The following KCTD18 variants were observed in gnomAD, a reference collection of about 807,000 sequenced individuals.
The protein encoded by KCTD18 is potassium channel tetramerization domain containing 18.
Under a neutral mutation model 30.4 loss-of-function variants are expected in KCTD18, and 22 were observed. The ratio of observed to expected loss-of-function variants is 0.72; its 90% CI spans 0.52 to 1.03. KCTD18 has a LOEUF of 1.03. Ranked by LOEUF, KCTD18 falls within the 50% of genes least tolerant of loss-of-function variation. KCTD18 has a pLI of 0.00. For missense variants in KCTD18, 529 were observed against 547.6 expected (o/e 0.97, Z 0.34); for synonymous variants, 186 against 209.0 (o/e 0.89, Z 0.95).
intron 1 of KCTD18, among the ~76,000 whole-genome samples, chr2:200,509,199 G>GT (rs955187186): frequency 1.3e-5 from 2 of 151,952 alleles, no homozygotes; most frequent in Non-Finnish European, 2.9e-5. Flanking sequence ...GGCCATTGGG[G>GT]TAAAAAAAAA....
rs1263504529 is a variant in KCTD18 at position 200,489,397 on chromosome 2, G to A, written c.*703C>T. 3 of 152,384 alleles carry A rather than the reference G, an allele frequency of 2.0e-5. No individual in the cohort carries two copies. Among genetic ancestry groups the A allele is most frequent in the Non-Finnish European group, 2.9e-5 (2 of 67,992 alleles). The allele number at this position is 152,384 out of a possible 1,614,324, so 9.4% of individuals were successfully genotyped here. A position where few individuals can be genotyped will look rare whatever the true frequency, so the allele number is the denominator to read the frequency against. ...AAACTTCACTATTCAAATTAAATAGGATATTTTAATAATTTACTTCAAAGA... is the reference window on the plus strand; with the variant it reads ...AAACTTCACTATTCAAATTAAATAGAATATTTTAATAATTTACTTCAAAGA... On this transcript the variant is annotated 3_prime_UTR_variant, in exon 7 of 7. Coordinates refer to ENST00000359878, the MANE Select transcript of KCTD18 (RefSeq NM_152387.4).
In KCTD18 at chr2:200,504,753, T is replaced by C; in HGVS notation, c.367A>G (p.Lys123Glu). ...TYSLRSNIEL[K>E]KALTDFCDSY... The stretch of plus-strand genomic sequence containing the variant: ...ACTTAAAAAAATGCCAAGACCTTTT[T>C]AAGTTCTATATTTGACCTTAAAGAA... Residue 123 changes from lysine (K) to glutamate (E), a missense_variant, in exon 3 of 7, where the codon AAA becomes GAA. Physicochemically the swap from Lys to Glu is moderately conservative, Grantham distance 56. Transcript: ENST00000359878. The C allele has an allele frequency of 6.2e-7, 1 of 1,610,498 alleles. No homozygotes were observed. The highest frequency in any genetic ancestry group is 8.5e-7 in the Non-Finnish European group (1 of 1,178,138).
chr2:200,491,347 G>A (rs573162697), intron 6 of KCTD18, among the ~76,000 whole-genome samples: 59 of 152,314 alleles, frequency 3.9e-4, no homozygotes, highest in African/African-American at 1.3e-3. Flanking sequence ...TTCTTGTACA[G>A]ACTGCAGAAC....
At chr2:200,493,425 C>A in intron 5 of KCTD18, 151 bp from the exon 6 acceptor site, 5 of 605,038 alleles carry the variant, frequency 8.3e-6, no homozygotes, top group Non-Finnish European at 1.2e-5. Context: ...AGCGCTCACA[C>A]GAGGAGCTAG....
chr2:200,506,507 A>G (rs1208851336), intron 2 of KCTD18, among the ~76,000 whole-genome samples: 1 of 152,192 alleles, frequency 6.6e-6, no homozygotes, highest in Admixed American at 6.5e-5. Flanking sequence ...CAGACAAAAC[A>G]TTTTCCAATT....
At position 200,490,184 on chromosome 2, in the gene KCTD18, C is replaced by T; in HGVS notation, c.1197G>A (p.Gln399=). Residue 399 remains glutamine (Q), a synonymous_variant, in exon 7 of 7, where the codon CAG becomes CAA. Transcript: ENST00000359878. The stretch of plus-strand genomic sequence containing the variant: ...CGGGAAGCGGCTTGAGGGAGTTGGC[C>T]TGCCTCGTGGCCGTGGGGGAGGGCA... The part of the protein sequence containing the change: ...PCLPSPTATR[Q]ANSLKPLPGE... 6.2e-7 allele frequency: 1 copy of T among 1,613,806 alleles called. No homozygotes were observed. The highest frequency in any genetic ancestry group is 8.5e-7 in the Non-Finnish European group (1 of 1,179,720).
At chr2:200,506,752 T>C (rs2030220387) in intron 2 of KCTD18, 105 bp downstream of exon 2, 2 of 956,212 alleles carry the variant, frequency 2.1e-6, no homozygotes, top group African/African-American at 3.3e-5. Flanking sequence ...TCTCAGTAAT[T>C]AGTATAGTCA....
intron 5 of KCTD18, among the ~76,000 whole-genome samples, chr2:200,493,533 A>T (rs2087954209): frequency 6.6e-6 from 1 of 152,162 alleles, no homozygotes; most frequent in South Asian, 2.1e-4. Flanking sequence ...TATGATGCAT[A>T]CTCAGGGCAG....
At chr2:200,503,725 T>A (rs2029997240) in intron 3 of KCTD18, among the ~76,000 whole-genome samples, 1 of 152,220 alleles carries the variant, frequency 6.6e-6, no homozygotes, top group Non-Finnish European at 1.5e-5. Context: ...AAATCAACTT[T>A]CTATTCATGC....
intron 4 of KCTD18, 39 bp downstream of exon 4, chr2:200,498,852 C>A (rs764387749): frequency 2.6e-6 from 4 of 1,568,340 alleles, no homozygotes; most frequent in Non-Finnish European, 3.5e-6. Context: ...GAGACCAAGA[C>A]TTTATTTTGT....
intron 3 of KCTD18, among the ~76,000 whole-genome samples, chr2:200,500,771 G>GA (rs1294777502): frequency 6.6e-6 from 1 of 151,176 alleles, no homozygotes. Flanking sequence ...CACAGAATTG[G>GA]AAAAAACTAC....
Position 200,490,608 on chromosome 2 carries a change from A to G in KCTD18, c.773T>C (p.Ile258Thr). 6.3e-7 allele frequency: 1 copy of G among 1,585,112 alleles called. No homozygotes were observed. The highest frequency in any genetic ancestry group is 8.5e-7 in the Non-Finnish European group (1 of 1,170,342). ...HMAPIRKRRL[I>T]TFNEADESVN... ...ACTTTCGTCCGCTTCATTGAACGTT[A>G]TCAGTCGCCTAGAAATACAGAAGCG... Residue 258 changes from isoleucine to threonine, a missense_variant, in exon 7 of 7, where the codon ATA becomes ACA. Ile to Thr is a moderately conservative substitution (Grantham distance 89). Coordinates refer to ENST00000359878, the MANE Select transcript of KCTD18 (RefSeq NM_152387.4).
chr2:200,493,417 C>T (rs2087952291), intron 5 of KCTD18, 143 bp from the exon 6 acceptor site: 6 of 612,722 alleles, frequency 9.8e-6, no homozygotes, highest in Admixed American at 2.7e-5. Flanking sequence ...GAACAGGAAG[C>T]GCTCACACGA....
In KCTD18 at chr2:200,490,040, G is replaced by A. The variant is rs2087882061; in HGVS notation, c.*60C>T. 1 of 1,486,460 alleles carries A rather than the reference G, an allele frequency of 6.7e-7. No individual in the cohort carries two copies. The highest frequency in any genetic ancestry group is 9.0e-7 in the Non-Finnish European group (1 of 1,113,466). The allele number at this position is 1,486,460 out of a possible 1,614,324, so 92.1% of individuals were successfully genotyped here. A position where few individuals can be genotyped will look rare whatever the true frequency, so the allele number is the denominator to read the frequency against. On this transcript the variant is annotated 3_prime_UTR_variant, in exon 7 of 7. Coordinates refer to ENST00000359878, the MANE Select transcript of KCTD18 (RefSeq NM_152387.4). ...TGCATTAAGAAAGTGTCACTTCTTT[G>A]CGTCGAATGGGTTGAAAGCTTTGGG...
chr2:200,503,388 G>A (rs549813723), intron 3 of KCTD18, among the ~76,000 whole-genome samples: 1 of 152,044 alleles, frequency 6.6e-6, no homozygotes, highest in East Asian at 1.9e-4. Flanking sequence ...AACTTCAAGG[G>A]CAAAGAACTA....
At chr2:200,497,603 T>C (rs186439187) in intron 5 of KCTD18, 150 bp downstream of exon 5, 271 of 613,998 alleles carry the variant, frequency 4.4e-4, no homozygotes, top group Admixed American at 6.0e-4. Context: ...GATTTGTAAG[T>C]AAACTGCCTC....
chr2:200,500,770 G>A (rs2088071898), intron 3 of KCTD18, among the ~76,000 whole-genome samples: 1 of 151,194 alleles, frequency 6.6e-6, no homozygotes, highest in Non-Finnish European at 1.5e-5. Context: ...TCACAGAATT[G>A]GAAAAAACTA....
At chr2:200,490,652 T>C (rs368024909) in intron 6 of KCTD18, 36 bp from the exon 7 acceptor site, 15 of 1,530,988 alleles carry the variant, frequency 9.8e-6, no homozygotes, top group South Asian at 1.3e-5. Context: ...TCCACATGTA[T>C]AGTTTTAGTA....
Position 200,497,759 on chromosome 2 carries a change from C to T in KCTD18, c.655G>A (p.Gly219Arg), listed in dbSNP as rs1009121361. 2 of 1,605,506 alleles carry T rather than the reference C, an allele frequency of 1.2e-6. No homozygotes were observed. Among genetic ancestry groups the T allele is most frequent in the Non-Finnish European group, 1.7e-6 (2 of 1,172,830 alleles). Residue 219 changes from glycine to arginine, a missense_variant, in exon 5 of 7, where the codon GGA becomes AGA. Physicochemically the swap from Gly to Arg is moderately radical, Grantham distance 125. Coordinates refer to ENST00000359878, the MANE Select transcript of KCTD18 (RefSeq NM_152387.4). ...KMMDAFDAWE[G>R]KGVSYWRVPH... ...TAAAAGAATTGCACTGTACCTTTTC[C>T]TTCCCAAGCATCAAAGGCATCCATC...
Sources: allele counts gnomAD v4.1 joint callset (sites outside exome capture counted in the v4.1 genomes callset), GRCh38; gene constraint gnomAD v4.1.1; transcripts MANE v1.5; gene names NCBI Gene and HGNC (gene_info 2026-07-23, HGNC 2026-07-21).